The following LSMEM1 variants were observed in gnomAD, a reference collection of about 807,000 sequenced individuals.
LSMEM1 encodes the protein leucine-rich single-pass membrane protein 1.
A neutral mutation model predicts 11.3 loss-of-function variants in LSMEM1; 10 were observed. The ratio of observed to expected loss-of-function variants is 0.89; its 90% confidence interval spans 0.55 to 1.50. LSMEM1 has a LOEUF of 1.50. LSMEM1 is among the 40% of genes most tolerant of loss of function. The pLI is 0.00. For missense variants in LSMEM1, 151 were observed against 152.9 expected (o/e 0.99, Z 0.06); for synonymous variants, 65 against 59.3 (o/e 1.10, Z -0.44).
chr7:112,487,021 G>C lies in LSMEM1; in HGVS notation c.226G>C (p.Ala76Pro). The C allele has an allele frequency of 6.2e-7, 1 of 1,614,054 alleles. No homozygotes were observed. The highest frequency in any genetic ancestry group is 8.5e-7 in the Non-Finnish European group (1 of 1,179,996). ...GLLIVLIVSL[A>P]LVFFVIFLIV... Reference sequence around the variant, plus strand: ...GCTAATTGTGCTGATTGTCAGCCTGGCACTGGTTTTTTTCGTGATATTTCT... The same window carrying C: ...GCTAATTGTGCTGATTGTCAGCCTGCCACTGGTTTTTTTCGTGATATTTCT... Residue 76 changes from alanine (A) to proline (P), a missense_variant, in exon 3 of 4, where the codon GCA becomes CCA. By Grantham distance (27) the Ala-to-Pro change is conservative (BLOSUM62 -1). Transcript: ENST00000312849.
rs3095027 is a variant in LSMEM1, at chr7:112,485,034, A to T, written c.127+91A>T. 1.7e-5 allele frequency: 22 copies of T among 1,271,354 alleles called. 2 individuals carry two copies. The highest frequency in any genetic ancestry group is 2.3e-5 in the Non-Finnish European group (22 of 944,472). 78.8% of individuals were successfully genotyped at this position (1,271,354 alleles called of 1,614,324 possible). On this transcript the variant is annotated intron_variant, in intron 2 of 3. Coordinates refer to ENST00000312849, the MANE Select transcript of LSMEM1 (RefSeq NM_182597.3). ...CTGACTGGATGTGTGGGTGTGGTGG[A>T]GGGGGAGGGGGCATTAGGAAGAGGT...
At chr7:112,484,669 C>T in intron 1 of LSMEM1, 143 bp from the exon 2 acceptor site, 1 of 787,886 alleles carries the variant, frequency 1.3e-6, no homozygotes, top group Non-Finnish European at 2.0e-6. Context: ...TCTGGATAAG[C>T]CAAGTTCTCT....
At chr7:112,483,136 CT>C (rs113149675) in intron 1 of LSMEM1, among the ~76,000 whole-genome samples, 5,531 of 136,562 alleles carry the variant, frequency 0.041, 275 homozygotes, top group African/African-American at 0.12. Context: ...TAGGTGTATA[CT>C]TTTTTTTTTT....
chr7:112,487,708 C>G (rs1554512147), intron 3 of LSMEM1, among the ~76,000 whole-genome samples: 3 of 152,266 alleles, frequency 2.0e-5, no homozygotes, highest in Admixed American at 1.3e-4. Context: ...GCGCCACCCT[C>G]CTCTCTGCCT....
intron 1 of LSMEM1, among the ~76,000 whole-genome samples, chr7:112,482,741 CT>C (rs1796054235): frequency 6.6e-6 from 1 of 152,064 alleles, no homozygotes; most frequent in Non-Finnish European, 1.5e-5. Flanking sequence ...CTCTAAGGCC[CT>C]TTTACTCTAT....
At chr7:112,486,413 A>T in intron 2 of LSMEM1, 1 of 448,990 alleles carries the variant, frequency 2.2e-6, no homozygotes, top group Admixed American at 2.4e-5. Flanking sequence ...AACCCTGCTT[A>T]TTCCTTGAAT....
chr7:112,490,674 T>G lies in LSMEM1; in HGVS notation c.*725T>G, dbSNP rs1457247000. 1.3e-5 allele frequency: 2 copies of G among 152,258 alleles called. No individual in the cohort carries two copies. The highest frequency in any genetic ancestry group is 4.8e-5 in the African/African-American group (2 of 41,468). 9.4% of individuals were successfully genotyped at this position (152,258 alleles called of 1,614,324 possible). On this transcript the variant is annotated 3_prime_UTR_variant, in exon 4 of 4. Transcript: ENST00000312849. ...GGAGATGGACAGTTATATGTAATTA[T>G]ATAAACTTTGTGTATTTTGTTTCTC...
chr7:112,486,805 CAG>C, intron 2 of LSMEM1, 116 bp from the exon 3 acceptor site: 1 of 1,390,242 alleles, frequency 7.2e-7, no homozygotes, highest in South Asian at 1.4e-5. Context: ...CTAGGCTTGT[CAG>C]AGAGAAAGTG....
intron 1 of LSMEM1, among the ~76,000 whole-genome samples, chr7:112,481,962 C>T (rs1029557700): frequency 6.6e-6 from 1 of 152,218 alleles, no homozygotes; most frequent in Non-Finnish European, 1.5e-5. Context: ...CTGGTTGTTC[C>T]TAGATGCCCT....
At chr7:112,489,336 G>A (rs916336844) in intron 3 of LSMEM1, among the ~76,000 whole-genome samples, 1 of 152,162 alleles carries the variant, frequency 6.6e-6, no homozygotes, top group African/African-American at 2.4e-5. Context: ...ATTCTAATGG[G>A]TGGTCTGAGG....
chr7:112,488,601 A>T (rs1796181342), intron 3 of LSMEM1, among the ~76,000 whole-genome samples: 1 of 140,534 alleles, frequency 7.1e-6, no homozygotes, highest in African/African-American at 2.8e-5. Flanking sequence ...TATTATTATT[A>T]TTATTATTTT....
chr7:112,480,924 A>C, upstream of LSMEM1: 1 of 456,168 alleles, frequency 2.2e-6, no homozygotes, highest in Non-Finnish European at 4.4e-6. Flanking sequence ...GAAGCATACC[A>C]TGGCAGGAGT....
At chr7:112,488,920 A>G (rs2117374762) in intron 3 of LSMEM1, among the ~76,000 whole-genome samples, 1 of 152,278 alleles carries the variant, frequency 6.6e-6, no homozygotes, top group East Asian at 1.9e-4. Context: ...TTTTGGTTTT[A>G]CCAGTGCTGA....
chr7:112,483,951 C>T (rs1796081749), intron 1 of LSMEM1, among the ~76,000 whole-genome samples: 1 of 152,198 alleles, frequency 6.6e-6, no homozygotes, highest in African/African-American at 2.4e-5. Context: ...ATTAAATGGC[C>T]ACAAGTTCTC....
chr7:112,490,066 C>T lies in LSMEM1; in HGVS notation c.*117C>T. On this transcript the variant is annotated 3_prime_UTR_variant, in exon 4 of 4. Coordinates refer to ENST00000312849, the MANE Select transcript of LSMEM1 (RefSeq NM_182597.3). Reference sequence around the variant, plus strand: ...TCAGGCAACAGATGATCTGGTCAGGCAACCCACCCCTGGGGCCCACTTTCT... The same window carrying T: ...TCAGGCAACAGATGATCTGGTCAGGTAACCCACCCCTGGGGCCCACTTTCT... 8.2e-7 allele frequency: 1 copy of T among 1,221,698 alleles called. No homozygotes were observed. The highest frequency in any genetic ancestry group is 1.1e-6 in the Non-Finnish European group (1 of 890,336). The allele number at this position is 1,221,698 out of a possible 1,614,324, so 75.7% of individuals were successfully genotyped here.
Position 112,486,991 on chromosome 7 carries a change from G to C in LSMEM1, c.196G>C (p.Gly66Arg), listed in dbSNP as rs1460542770. ...TGGAAGCCGGAGTCTGTTTTTTGTG[G>C]GGCTGCTAATTGTGCTGATTGTCAG... is the stretch of plus-strand genomic sequence containing the variant. ...GNGSRSLFFV[G>R]LLIVLIVSLA... The change falls in exon 3 of 4, where the codon GGG becomes CGG. Residue 66 changes from glycine (G) to arginine (R), a missense_variant. Coordinates refer to ENST00000312849, the MANE Select transcript of LSMEM1 (RefSeq NM_182597.3). 1 of 1,614,034 alleles carries C rather than the reference G, an allele frequency of 6.2e-7. No individual in the cohort carries two copies. The highest frequency in any genetic ancestry group is 1.7e-5 in the Admixed American group (1 of 60,010).
In LSMEM1 at chr7:112,489,980, AC is replaced by A. The variant is rs1012619193; in HGVS notation, c.*33del. On this transcript the variant is annotated 3_prime_UTR_variant, in exon 4 of 4. Coordinates refer to ENST00000312849, the MANE Select transcript of LSMEM1 (RefSeq NM_182597.3). Reference sequence around the variant, plus strand: ...TGATTTTCTGAAAGCACCTGCTAACACCTTGAGCTTTTTACTTTCCTGGGAG... The same window carrying A: ...TGATTTTCTGAAAGCACCTGCTAACACTTGAGCTTTTTACTTTCCTGGGAG... 1.3e-6 allele frequency: 2 copies of A among 1,598,060 alleles called. No homozygotes were observed. Among genetic ancestry groups the A allele is most frequent in the African/African-American group, 1.4e-5 (1 of 74,040 alleles).
chr7:112,481,569 A>T (rs1287823993), intron 1 of LSMEM1, among the ~76,000 whole-genome samples: 1 of 152,220 alleles, frequency 6.6e-6, no homozygotes, highest in African/African-American at 2.4e-5. Flanking sequence ...GCTTTGAATT[A>T]TGCCCTATTA....
At chr7:112,486,417 C>A in intron 2 of LSMEM1, 1 of 445,686 alleles carries the variant, frequency 2.2e-6, no homozygotes, top group South Asian at 1.6e-5. Flanking sequence ...CTGCTTATTC[C>A]TTGAATACCA....
Sources: gnomAD v4.1 joint callset for allele counts (sites outside exome capture counted in the v4.1 genomes callset) on GRCh38, gnomAD v4.1.1 for gene constraint, MANE v1.5 for transcripts, NCBI Gene and HGNC (gene_info 2026-07-23, HGNC 2026-07-21) for gene names.